Variants in ST8SIA1 observed in about 807,000 individuals in gnomAD.
The protein encoded by ST8SIA1 is alpha-N-acetylneuraminide alpha-2,8-sialyltransferase.
Under a neutral mutation model 35.9 loss-of-function variants are expected in ST8SIA1, and 16 were observed. That is an observed-to-expected ratio of 0.45 (90% CI 0.30 to 0.68). ST8SIA1 has a LOEUF of 0.68. Among genes scored for constraint, ST8SIA1 ranks in the 30% least tolerant of loss-of-function variants. The pLI is 0.09. For missense variants in ST8SIA1, 383 were observed against 453.6 expected (o/e 0.84, Z 1.41); for synonymous variants, 170 against 169.6 (o/e 1.00, Z -0.02).
At chr12:22,314,651 T>A (rs945200928) in intron 1 of ST8SIA1, among the ~76,000 whole-genome samples, 1 of 152,160 alleles carries the variant, frequency 6.6e-6, no homozygotes, top group Non-Finnish European at 1.5e-5. Flanking sequence ...TTCCACAAAC[T>A]TTACAAAATC....
chr12:22,304,889 T>C (rs1481685344), intron 1 of ST8SIA1, among the ~76,000 whole-genome samples: 1 of 152,226 alleles, frequency 6.6e-6, no homozygotes, highest in African/African-American at 2.4e-5. Context: ...AATTTTGTGC[T>C]TGACATCCAT....
chr12:22,249,060 T>C lies in ST8SIA1; in HGVS notation c.530A>G (p.Asp177Gly). The part of the protein sequence containing the change: ...LPPLSSEYTK[D>G]VGSKSQLVTA... ...CACTAACTGACTTTTGGATCCAACA[T>C]CCTTAGTGTATTCACTTGACAAAGG... Residue 177 changes from aspartate (D) to glycine (G), a missense_variant, in exon 4 of 5, where the codon GAT (aspartate) becomes GGT (glycine). Coordinates refer to ENST00000396037, the MANE Select transcript of ST8SIA1 (RefSeq NM_003034.4). The C allele has an allele frequency of 6.2e-7, 1 of 1,613,934 alleles. No individual in the cohort carries two copies. The highest frequency in any genetic ancestry group is 8.5e-7 in the Non-Finnish European group (1 of 1,179,896).
intron 1 of ST8SIA1, among the ~76,000 whole-genome samples, chr12:22,319,459 A>G (rs1866557036): frequency 6.6e-6 from 1 of 152,236 alleles, no homozygotes; most frequent in South Asian, 2.1e-4. Flanking sequence ...CTGATACACG[A>G]GGAGCAATCT....
At chr12:22,220,057 A>C (rs780918163) in intron 4 of ST8SIA1, among the ~76,000 whole-genome samples, 1 of 152,202 alleles carries the variant, frequency 6.6e-6, no homozygotes, top group Non-Finnish European at 1.5e-5. Flanking sequence ...TAAAATAGTG[A>C]ATGAAAAGGT....
chr12:22,203,264 C>A (rs1292398834), intron 4 of ST8SIA1, among the ~76,000 whole-genome samples: 1 of 152,080 alleles, frequency 6.6e-6, no homozygotes, highest in East Asian at 1.9e-4. Flanking sequence ...TAGGGCCTTG[C>A]AACTTTTAAT....
At position 22,194,058 on chromosome 12, in the gene ST8SIA1, C is replaced by T. The variant is rs1283005720; in HGVS notation, c.*7494G>A. On this transcript the variant is annotated 3_prime_UTR_variant, in exon 5 of 5. Transcript: ENST00000396037. ...ACTGGAATTTTAGTAATATTTCAGA[C>T]TTGTTAAAGATTAAGCAGGCTTTTT... The T allele has an allele frequency of 6.6e-6, 1 of 152,130 alleles. No homozygotes were observed. Among genetic ancestry groups the T allele is most frequent in the African/African-American group, 2.4e-5 (1 of 41,434 alleles). 9.4% of individuals were successfully genotyped at this position (152,130 alleles called of 1,614,324 possible). A position where few individuals can be genotyped will look rare whatever the true frequency, so the allele number is the denominator to read the frequency against.
intron 1 of ST8SIA1, among the ~76,000 whole-genome samples, chr12:22,307,052 G>C (rs980722367): frequency 1.3e-5 from 2 of 151,946 alleles, no homozygotes; most frequent in African/African-American, 4.8e-5. Flanking sequence ...TATATCATTT[G>C]TTCTGTATTC....
chr12:22,285,872 AAAAAC>A (rs943212293), intron 2 of ST8SIA1, among the ~76,000 whole-genome samples: 5 of 80,050 alleles, frequency 6.2e-5, no homozygotes, highest in Non-Finnish European at 1.1e-4. Context: ...AGACTCTGTC[AAAAAC>A]AAAAAAAAAA....
intron 4 of ST8SIA1, among the ~76,000 whole-genome samples, chr12:22,233,998 G>A (rs1228625711): frequency 6.6e-6 from 1 of 151,836 alleles, no homozygotes; most frequent in African/African-American, 2.4e-5. Flanking sequence ...AGTGGCTCAC[G>A]ACTTTAATCC....
chr12:22,232,377 A>T (rs1865430382), intron 4 of ST8SIA1, among the ~76,000 whole-genome samples: 1 of 152,238 alleles, frequency 6.6e-6, no homozygotes, highest in Non-Finnish European at 1.5e-5. Context: ...TTAATAAAAT[A>T]AGCCAAGGGG....
chr12:22,249,058 C>A lies in ST8SIA1; in HGVS notation c.532G>T (p.Val178Phe). ...PPLSSEYTKD[V>F]GSKSQLVTAN... ...GTCACTAACTGACTTTTGGATCCAA[C>A]ATCCTTAGTGTATTCACTTGACAAA... is the stretch of plus-strand genomic sequence containing the variant. The change falls in exon 4 of 5, where the codon GTT (valine) becomes TTT (phenylalanine). Residue 178 changes from valine (V) to phenylalanine (F), a missense_variant. Physicochemically the swap from Val to Phe is conservative, Grantham distance 50. Coordinates refer to ENST00000396037, the MANE Select transcript of ST8SIA1 (RefSeq NM_003034.4). 6.2e-7 allele frequency: 1 copy of A among 1,613,920 alleles called. No homozygotes were observed. The highest frequency in any genetic ancestry group is 8.5e-7 in the Non-Finnish European group (1 of 1,179,918).
chr12:22,194,028 C>A lies in ST8SIA1; in HGVS notation c.*7524G>T, dbSNP rs1242929383. ...TGCTTTTTAGACTGACTATGCTGCA[C>A]GGTAACTGGAATTTTAGTAATATTT... On this transcript the variant is annotated 3_prime_UTR_variant, in exon 5 of 5. Transcript: ENST00000396037. 1 of 152,078 alleles carries A rather than the reference C, an allele frequency of 6.6e-6. No individual in the cohort carries two copies. Among genetic ancestry groups the A allele is most frequent in the African/African-American group, 2.4e-5 (1 of 41,384 alleles). 9.4% of individuals were successfully genotyped at this position (152,078 alleles called of 1,614,324 possible). A position where few individuals can be genotyped will look rare whatever the true frequency, so the allele number is the denominator to read the frequency against.
chr12:22,249,493 T>C (rs574724959), intron 3 of ST8SIA1, among the ~76,000 whole-genome samples: 5 of 152,232 alleles, frequency 3.3e-5, no homozygotes, highest in African/African-American at 1.2e-4. Context: ...GTACTGGGAT[T>C]ACAGGCGTGA....
chr12:22,306,741 G>C (rs1245389040), intron 1 of ST8SIA1, among the ~76,000 whole-genome samples: 1 of 152,094 alleles, frequency 6.6e-6, no homozygotes, highest in Admixed American at 6.6e-5. Flanking sequence ...CCAGAAAACA[G>C]GTCCTTCAGC....
rs189166373 is a variant in ST8SIA1, at chr12:22,230,362, G to A, written c.584+18644C>T. 5.3e-5 allele frequency among the ~76,000 whole-genome samples: 8 copies of A among 152,160 alleles called. No homozygotes were observed. In the East Asian group the frequency reaches 1.6e-3, roughly 30 times the overall value. ...AGACTCTGAATCCTGCCCTCTCTGGGGCTCTGTAATACAAAAGAGTAGAGT... is the reference window on the plus strand; with the variant it reads ...AGACTCTGAATCCTGCCCTCTCTGGAGCTCTGTAATACAAAAGAGTAGAGT... On this transcript the variant is annotated intron_variant, in intron 4 of 4. Coordinates refer to ENST00000396037, the MANE Select transcript of ST8SIA1 (RefSeq NM_003034.4).
intron 1 of ST8SIA1, among the ~76,000 whole-genome samples, chr12:22,301,243 T>G (rs1866315247): frequency 6.6e-6 from 1 of 152,000 alleles, no homozygotes; most frequent in Non-Finnish European, 1.5e-5. Context: ...CTGATAACTC[T>G]GGAGATTGTG....
At chr12:22,249,289 G>A (rs1426291528) in intron 3 of ST8SIA1, among the ~76,000 whole-genome samples, 191 bp from the exon 4 acceptor site, 1 of 144,990 alleles carries the variant, frequency 6.9e-6, no homozygotes, top group Non-Finnish European at 1.5e-5. Context: ...TGTGATCTCC[G>A]CTCACTGCAA....
intron 2 of ST8SIA1, among the ~76,000 whole-genome samples, chr12:22,269,579 C>T (rs1053389323): frequency 6.6e-6 from 1 of 152,112 alleles, no homozygotes; most frequent in African/African-American, 2.4e-5. Context: ...TAACCAATCC[C>T]TTAATGTTGA....
At chr12:22,206,493 T>G in intron 4 of ST8SIA1, among the ~76,000 whole-genome samples, 1 of 152,190 alleles carries the variant, frequency 6.6e-6, no homozygotes. Flanking sequence ...CGCGTCAGTT[T>G]CCAGGTAGGA....
Sources: allele counts gnomAD v4.1 joint callset (sites outside exome capture counted in the v4.1 genomes callset), GRCh38; gene constraint gnomAD v4.1.1; transcripts MANE v1.5; gene names NCBI Gene and HGNC (gene_info 2026-07-23, HGNC 2026-07-21).